PLCB1: variants seen among roughly 807,000 people sequenced by gnomAD.
PLCB1 encodes the protein phospholipase C beta 1, also known as 1-phosphatidylinositol 4,5-bisphosphate phosphodiesterase beta-1.
A neutral mutation model predicts 161.8 loss-of-function variants in PLCB1; 46 were observed. The ratio of observed to expected loss-of-function variants is 0.28; its 90% CI spans 0.22 to 0.36. The LOEUF is 0.36. Ranked by LOEUF, PLCB1 falls within the 10% of genes least tolerant of loss-of-function variation. PLCB1 has a pLI of 1.00. For synonymous variants in PLCB1, 517 were observed against 503.7 expected (o/e 1.03, Z -0.35); for missense variants, 1,016 against 1,472.5 (o/e 0.69, Z 5.07).
chr20:8,881,328 C>CGTGTGTGTGTGTGTGTGT (rs3222517), intron 31 of PLCB1, among the ~76,000 whole-genome samples: 21 of 128,860 alleles, frequency 1.6e-4, no homozygotes, highest in African/African-American at 4.7e-4. Context: ...TCAAAAGACC[C>CGTGTGTGTGTGTGTGTGT]GTGTGTGTGT....
At chr20:8,532,921 G>A (rs1235096864) in intron 3 of PLCB1, among the ~76,000 whole-genome samples, 1 of 151,876 alleles carries the variant, frequency 6.6e-6, no homozygotes, top group East Asian at 1.9e-4. Context: ...GTACAGGTTA[G>A]TTACATATGT....
chr20:8,757,060 A>G lies in PLCB1; in HGVS notation c.2538A>G (p.Glu846=), dbSNP rs552235409. ...EEVKKEADPG[E]TPSEAPSEAR... ...TATAATTTTAGGCTGATCCTGGAGA[A>G]ACACCATCAGAGGCTCCAAGTGAAG... Residue 846 remains glutamate, a synonymous_variant, in exon 24 of 32, where the codon GAA becomes GAG. Transcript: ENST00000338037. 8.7e-6 allele frequency: 14 copies of G among 1,608,466 alleles called. 1 individual carries two copies. In the South Asian group the frequency reaches 1.6e-4, roughly 18 times the overall value.
chr20:8,719,858 T>G (rs1600274422), intron 14 of PLCB1, among the ~76,000 whole-genome samples: 1 of 152,014 alleles, frequency 6.6e-6, no homozygotes, highest in East Asian at 1.9e-4. Context: ...CAATCAGGGT[T>G]AAAAAAAAGT....
rs1203057394 is a variant in PLCB1 at position 8,787,829 on chromosome 20, G to A, written c.3112-620G>A. Among the ~76,000 whole-genome samples the A allele has an allele frequency of 2.0e-5, 3 of 152,176 alleles. No homozygotes were observed. In the East Asian group the frequency reaches 5.8e-4, roughly 29 times the overall value. On this transcript the variant is annotated intron_variant, in intron 27 of 31. Coordinates refer to ENST00000338037, the MANE Select transcript of PLCB1 (RefSeq NM_015192.4). The stretch of plus-strand genomic sequence containing the variant: ...CACAGTGATGTAGTGACAGTTCATT[G>A]AAAGCACAAAGAGAATTTCTGATGT...
At chr20:8,147,298 A>T (rs977012668) in intron 1 of PLCB1, among the ~76,000 whole-genome samples, 1 of 152,248 alleles carries the variant, frequency 6.6e-6, no homozygotes, top group African/African-American at 2.4e-5. Flanking sequence ...AAAAACCACA[A>T]TCTTATGAAA....
intron 2 of PLCB1, among the ~76,000 whole-genome samples, chr20:8,207,586 T>A (rs968030477): frequency 6.6e-6 from 1 of 152,116 alleles, no homozygotes; most frequent in Non-Finnish European, 1.5e-5. Flanking sequence ...TTTTGCTTTT[T>A]TAATTTTTTT....
chr20:8,675,482 T>A (rs1046849879), intron 9 of PLCB1, among the ~76,000 whole-genome samples: 1 of 152,188 alleles, frequency 6.6e-6, no homozygotes, highest in African/African-American at 2.4e-5. Context: ...AATCCCATGA[T>A]AAGTCCCAGC....
chr20:8,755,312 A>G (rs1355429920), intron 23 of PLCB1, among the ~76,000 whole-genome samples: 2 of 152,028 alleles, frequency 1.3e-5, no homozygotes, highest in African/African-American at 4.8e-5. Flanking sequence ...TTATAGGTCA[A>G]TTTTTCATCT....
intron 31 of PLCB1, among the ~76,000 whole-genome samples, chr20:8,862,500 T>C (rs1987290707): frequency 1.3e-5 from 2 of 152,232 alleles, no homozygotes; most frequent in African/African-American, 4.8e-5. Context: ...AGGAATCTAA[T>C]TGGCTATGGT....
At chr20:8,806,504 A>C (rs1032686141) in intron 31 of PLCB1, among the ~76,000 whole-genome samples, 4 of 152,008 alleles carry the variant, frequency 2.6e-5, no homozygotes, top group African/African-American at 9.7e-5. Context: ...CATTCGGCTT[A>C]TACATGTCAA....
chr20:8,387,976 TTAAAAAA>T (rs904050813), intron 3 of PLCB1, among the ~76,000 whole-genome samples: 4 of 128,734 alleles, frequency 3.1e-5, no homozygotes, highest in African/African-American at 1.1e-4. Flanking sequence ...ACCACTTTTT[TTAAAAAA>T]AAAAAAAAAA....
At chr20:8,330,150 G>A (rs935834910) in intron 2 of PLCB1, among the ~76,000 whole-genome samples, 2 of 152,030 alleles carry the variant, frequency 1.3e-5, no homozygotes, top group Admixed American at 6.6e-5. Flanking sequence ...CAATAACATC[G>A]AATCAATAAT....
intron 2 of PLCB1, among the ~76,000 whole-genome samples, chr20:8,179,176 A>C (rs2051813094): frequency 6.6e-6 from 1 of 152,098 alleles, no homozygotes; most frequent in Non-Finnish European, 1.5e-5. Flanking sequence ...GAAGAATGTC[A>C]TTGGCAGTTT....
intron 17 of PLCB1, among the ~76,000 whole-genome samples, chr20:8,727,800 C>T (rs923014985): frequency 4.6e-5 from 7 of 152,038 alleles, no homozygotes; most frequent in Non-Finnish European, 8.8e-5. Flanking sequence ...ATATACCTGA[C>T]TTGGCATCTC....
At chr20:8,700,829 A>G (rs1200143162) in intron 11 of PLCB1, among the ~76,000 whole-genome samples, 1 of 152,220 alleles carries the variant, frequency 6.6e-6, no homozygotes, top group African/African-American at 2.4e-5. Context: ...CCTCCTGCTA[A>G]TGCACATAGC....
chr20:8,799,214 G>A (rs1325244600), intron 31 of PLCB1, among the ~76,000 whole-genome samples: 7 of 152,140 alleles, frequency 4.6e-5, no homozygotes, highest in Admixed American at 4.6e-4. Flanking sequence ...TAAATGTACT[G>A]GATAGAGGGC....
At chr20:8,156,025 G>A (rs931370602) in intron 2 of PLCB1, among the ~76,000 whole-genome samples, 2 of 152,110 alleles carry the variant, frequency 1.3e-5, no homozygotes, top group Non-Finnish European at 2.9e-5. Context: ...CAGTATTGAT[G>A]ATATTAATAG....
chr20:8,469,886 T>C (rs1028087782), intron 3 of PLCB1, among the ~76,000 whole-genome samples: 3 of 152,198 alleles, frequency 2.0e-5, no homozygotes, highest in Non-Finnish European at 4.4e-5. Context: ...TTAGAACATT[T>C]TGTTACTTCC....
intron 31 of PLCB1, among the ~76,000 whole-genome samples, chr20:8,825,493 G>A (rs1286615913): frequency 6.6e-6 from 1 of 152,182 alleles, no homozygotes; most frequent in African/African-American, 2.4e-5. Flanking sequence ...TACACGCAAA[G>A]TCCCTGTGAT....
Sources: allele counts gnomAD v4.1 joint callset (sites outside exome capture counted in the v4.1 genomes callset), GRCh38; gene constraint gnomAD v4.1.1; transcripts MANE v1.5; gene names NCBI Gene and HGNC (gene_info 2026-07-23, HGNC 2026-07-21).